GALNT13: variants seen among roughly 807,000 people sequenced by gnomAD.
GALNT13 encodes the protein polypeptide N-acetylgalactosaminyltransferase 13, also known as UDP-GalNAc:polypeptide N-acetylgalactosaminyltransferase 13.
A neutral mutation model predicts 64.2 loss-of-function variants in GALNT13; 28 were observed. The observed-to-expected ratio is 0.44, with a 90% confidence interval of 0.32 to 0.60. The LOEUF is 0.60. GALNT13 is among the 20% of genes least tolerant of loss of function. GALNT13 has a pLI of 0.05. For missense variants in GALNT13, 577 were observed against 669.8 expected (o/e 0.86, Z 1.53); for synonymous variants, 214 against 224.6 (o/e 0.95, Z 0.42).
At chr2:153,082,175 T>C in the GALNT13 span, among the ~76,000 whole-genome samples, 3 of 152,168 alleles carry the variant, frequency 2.0e-5, no homozygotes, top group Admixed American at 6.5e-5. Flanking sequence ...TTTTGAGAAA[T>C]GAGTTTTTGG....
At chr2:153,155,945 T>C in the GALNT13 span, among the ~76,000 whole-genome samples, 1 of 152,236 alleles carries the variant, frequency 6.6e-6, no homozygotes, top group African/African-American at 2.4e-5. Context: ...TTTGTTCTCA[T>C]TGCTTTTCAA....
At chr2:154,051,791 T>C (rs1368956527) in intron 3 of GALNT13, among the ~76,000 whole-genome samples, 9 of 152,290 alleles carry the variant, frequency 5.9e-5, no homozygotes, top group African/African-American at 1.7e-4. Context: ...GTAAATTCAC[T>C]CCAGCATGTG....
the GALNT13 span, among the ~76,000 whole-genome samples, chr2:153,646,703 A>G: frequency 8.5e-5 from 13 of 152,098 alleles, no homozygotes; most frequent in African/African-American, 2.9e-4. Flanking sequence ...ATGAGTGAGA[A>G]TATGCGGTGT....
chr2:154,201,490 A>G (rs1218826335), intron 4 of GALNT13, among the ~76,000 whole-genome samples: 3 of 152,116 alleles, frequency 2.0e-5, no homozygotes, highest in Non-Finnish European at 4.4e-5. Flanking sequence ...GATGACACAC[A>G]TGCATAGCAT....
the GALNT13 span, among the ~76,000 whole-genome samples, chr2:153,678,382 A>G: frequency 9.2e-5 from 14 of 152,076 alleles, no homozygotes; most frequent in African/African-American, 3.1e-4. Flanking sequence ...TCTCAGCAAC[A>G]TGAATGGAGC....
At chr2:153,759,030 A>G in the GALNT13 span, among the ~76,000 whole-genome samples, 1 of 152,324 alleles carries the variant, frequency 6.6e-6, no homozygotes, top group South Asian at 2.1e-4. Flanking sequence ...GGTTAAATGT[A>G]TTTCTAAGCA....
At chr2:153,837,135 G>A in the GALNT13 span, among the ~76,000 whole-genome samples, 1 of 151,334 alleles carries the variant, frequency 6.6e-6, no homozygotes, top group Admixed American at 6.6e-5. Context: ...CAGTGTAAAA[G>A]TGTTCCTATT....
Position 154,221,434 on chromosome 2 carries a change from G to C in GALNT13, c.312-20596G>C, listed in dbSNP as rs79364349. 6.3e-3 allele frequency among the ~76,000 whole-genome samples: 958 copies of C among 152,040 alleles called. 9 individuals carry two copies. The highest frequency in any genetic ancestry group is 0.021 in the African/African-American group (862 of 41,530). On this transcript the variant is annotated intron_variant, in intron 4 of 12. Transcript: ENST00000392825. ...GTAATTCAACTAATTACATTGTTTTGTTTTGCAGGTAGATATTTCTTTTGA... is the reference window on the plus strand; with the variant it reads ...GTAATTCAACTAATTACATTGTTTTCTTTTGCAGGTAGATATTTCTTTTGA...
the GALNT13 span, among the ~76,000 whole-genome samples, chr2:153,132,887 T>C: frequency 6.6e-6 from 1 of 152,014 alleles, no homozygotes; most frequent in South Asian, 2.1e-4. Flanking sequence ...TACTCAGCTA[T>C]GTTTTTGGTA....
the GALNT13 span, among the ~76,000 whole-genome samples, chr2:153,790,916 A>G: frequency 6.6e-6 from 1 of 152,172 alleles, no homozygotes; most frequent in Non-Finnish European, 1.5e-5. Flanking sequence ...TATCTCTAAA[A>G]TCAGAATTAC....
intron 4 of GALNT13, among the ~76,000 whole-genome samples, chr2:154,154,371 C>G (rs1445180003): frequency 6.6e-6 from 1 of 152,266 alleles, no homozygotes; most frequent in East Asian, 1.9e-4. Context: ...TGTTAACTAT[C>G]CATCCAAGCT....
chr2:154,173,381 A>G (rs925478947), intron 4 of GALNT13, among the ~76,000 whole-genome samples: 2 of 151,284 alleles, frequency 1.3e-5, no homozygotes, highest in African/African-American at 4.8e-5. Flanking sequence ...TTTTAAATTA[A>G]ATTAAATTAA....
the GALNT13 span, among the ~76,000 whole-genome samples, chr2:153,715,833 CTT>C: frequency 1.5e-5 from 2 of 137,076 alleles, no homozygotes; most frequent in Non-Finnish European, 3.2e-5. Context: ...CTTCTTCTTC[CTT>C]TTTTTTTTTT....
At chr2:154,179,866 C>T (rs1032588528) in intron 4 of GALNT13, among the ~76,000 whole-genome samples, 8 of 151,198 alleles carry the variant, frequency 5.3e-5, no homozygotes, top group Admixed American at 4.6e-4. Context: ...GTGTTTTCAG[C>T]TAACTCAGAC....
At chr2:153,549,860 G>A in the GALNT13 span, among the ~76,000 whole-genome samples, 9 of 152,168 alleles carry the variant, frequency 5.9e-5, no homozygotes, top group Non-Finnish European at 1.0e-4. Flanking sequence ...ATCTGGCAGC[G>A]TCTGACCAGA....
chr2:153,882,775 T>G (rs1302245371), intron 1 of GALNT13, among the ~76,000 whole-genome samples: 1 of 151,678 alleles, frequency 6.6e-6, no homozygotes, highest in Non-Finnish European at 1.5e-5. Flanking sequence ...GCTACAGAAA[T>G]GTCTCACCAC....
intron 3 of GALNT13, among the ~76,000 whole-genome samples, chr2:154,083,058 GCCTTT>G (rs1278222311): frequency 6.6e-6 from 1 of 151,984 alleles, no homozygotes; most frequent in Non-Finnish European, 1.5e-5. Flanking sequence ...TTACATTTAG[GCCTTT>G]AATCCATCCT....
chr2:153,714,416 C>G, the GALNT13 span, among the ~76,000 whole-genome samples: 3,054 of 152,190 alleles, frequency 0.02, 84 homozygotes, highest in East Asian at 0.12. Context: ...CTACCTTTTT[C>G]TCACCTATTT....
chr2:153,083,714 A>G, the GALNT13 span, among the ~76,000 whole-genome samples: 4 of 151,950 alleles, frequency 2.6e-5, no homozygotes, highest in South Asian at 6.2e-4. Flanking sequence ...GATTATTTCT[A>G]TTGCTGTGCA....
Sources: allele counts gnomAD v4.1 joint callset (sites outside exome capture counted in the v4.1 genomes callset), GRCh38; gene constraint gnomAD v4.1.1; transcripts MANE v1.5; gene names NCBI Gene and HGNC (gene_info 2026-07-23, HGNC 2026-07-21).